The following MTARC1 variants were observed in gnomAD, a reference collection of about 807,000 sequenced individuals.
MTARC1 encodes mitochondrial amidoxime reducing component 1.
MTARC1 carries 24 observed loss-of-function variants against 33.6 expected under a neutral mutation model. The observed-to-expected ratio is 0.72, with a 90% CI of 0.52 to 1.01. MTARC1 has a LOEUF of 1.01. Among genes scored for constraint, MTARC1 ranks in the 50% least tolerant of loss-of-function variants. The pLI is 0.00. For missense variants in MTARC1, 417 were observed against 445.7 expected (o/e 0.94, Z 0.58); for synonymous variants, 187 against 189.5 (o/e 0.99, Z 0.11).
chr1:220,799,135 G>A lies in MTARC1; in HGVS notation c.753+1121G>A, dbSNP rs1016440528. The A allele has an allele frequency of 7.1e-6, 7 of 985,258 alleles. No homozygotes were observed. The Admixed American group carries it at 1.8e-4, about 26-fold the overall frequency. 61.0% of individuals were successfully genotyped at this position (985,258 alleles called of 1,614,324 possible). On this transcript the variant is annotated intron_variant, in intron 4 of 6. Coordinates refer to ENST00000366910, the MANE Select transcript of MTARC1 (RefSeq NM_022746.4). ...TCAGTTTGGATAATGTAATTTATGA[G>A]ATGTATAAAAGCAATATCAATCGAT...
chr1:220,796,765 G>T lies in MTARC1; in HGVS notation c.572G>T (p.Arg191Leu), dbSNP rs148529789. The change falls in exon 3 of 7, where the codon CGT becomes CTT. Residue 191 changes from arginine (R) to leucine (L), a missense_variant. By Grantham distance (102) the Arg-to-Leu change is moderately radical (BLOSUM62 -2). Coordinates refer to ENST00000366910, the MANE Select transcript of MTARC1 (RefSeq NM_022746.4). ...TTCGAGCCTCACATGCGACCGAGAC[G>T]TCCTCATCAAATAGCAGACTTGTTC... is the stretch of plus-strand genomic sequence containing the variant. ...VHFEPHMRPR[R>L]PHQIADLFRP... 7.8e-5 allele frequency: 125 copies of T among 1,612,350 alleles called. No homozygotes were observed. Among genetic ancestry groups the T allele is most frequent in the Admixed American group, 2.3e-4 (14 of 59,734 alleles).
intron 4 of MTARC1, 198 bp downstream of exon 4, chr1:220,798,212 A>T (rs1363553414): frequency 1.3e-6 from 2 of 1,507,788 alleles, no homozygotes; most frequent in Admixed American, 2.0e-5. Context: ...TTGATGGGTC[A>T]GAGACTGTCA....
intron 2 of MTARC1, among the ~76,000 whole-genome samples, chr1:220,792,888 A>T (rs939034451): frequency 3.3e-5 from 5 of 152,160 alleles, no homozygotes; most frequent in African/African-American, 1.2e-4. Context: ...GTGTCCTCTA[A>T]TGCATTTTAA....
At position 220,814,780 on chromosome 1, in the gene MTARC1, T is replaced by C. The variant is rs144512388; in HGVS notation, c.*1362T>C. 2.9e-3 allele frequency: 438 copies of C among 151,924 alleles called. 4 individuals carry two copies. In the South Asian group the frequency reaches 0.043, roughly 15 times the overall value. The allele number at this position is 151,924 out of a possible 1,614,324, so 9.4% of individuals were successfully genotyped here. The stretch of plus-strand genomic sequence containing the variant: ...GAAAAAAAAAGAAAGCTGACTGAGG[T>C]GAATGGGCAAAGCCAGTAATTCTGA... On this transcript the variant is annotated 3_prime_UTR_variant, in exon 7 of 7. Transcript: ENST00000366910.
chr1:220,807,107 T>C (rs1672993776), intron 6 of MTARC1, among the ~76,000 whole-genome samples: 1 of 152,114 alleles, frequency 6.6e-6, no homozygotes. Flanking sequence ...GCATTTAAGA[T>C]TGGTATATTT....
chr1:220,804,345 GC>G (rs1210063291), intron 4 of MTARC1, among the ~76,000 whole-genome samples: 1 of 152,140 alleles, frequency 6.6e-6, no homozygotes, highest in Non-Finnish European at 1.5e-5. Flanking sequence ...GCCTTGGAGT[GC>G]TTTTTGTGAA....
chr1:220,796,029 C>A (rs1672605351), intron 2 of MTARC1, among the ~76,000 whole-genome samples: 1 of 152,118 alleles, frequency 6.6e-6, no homozygotes, highest in African/African-American at 2.4e-5. Context: ...AACAGCCCTG[C>A]ACAGGACTAT....
intron 2 of MTARC1, among the ~76,000 whole-genome samples, chr1:220,792,691 T>C (rs1672465989): frequency 6.6e-6 from 1 of 151,476 alleles, no homozygotes; most frequent in Non-Finnish European, 1.5e-5. Context: ...CTGTGATAAC[T>C]AATTAATATT....
In MTARC1 at chr1:220,805,039, C is replaced by A. The variant is rs1672929524; in HGVS notation, c.754-13C>A. On this transcript the variant is annotated splice_polypyrimidine_tract_variant and intron_variant, in intron 4 of 6. Transcript: ENST00000366910. ...CCAGAGATGCTCATGGGAATTTGTG[C>A]TTTGTCCCCTAGGATTCTTGGGATG... The A allele has an allele frequency of 5.6e-6, 9 of 1,613,954 alleles. No individual in the cohort carries two copies. In the South Asian group the frequency reaches 8.8e-5, roughly 16 times the overall value.
intron 6 of MTARC1, among the ~76,000 whole-genome samples, chr1:220,810,908 C>T (rs1673112601): frequency 6.6e-6 from 1 of 152,122 alleles, no homozygotes; most frequent in Non-Finnish European, 1.5e-5. Flanking sequence ...GTCTGTTACT[C>T]CCCCTGAGAC....
At chr1:220,799,249 TAA>T in intron 4 of MTARC1, 1 of 907,938 alleles carries the variant, frequency 1.1e-6, no homozygotes, top group Non-Finnish European at 1.3e-6. Flanking sequence ...GCGTTTCTTC[TAA>T]AGATGGTGGA....
In MTARC1 at chr1:220,816,760, C is replaced by T. The variant is rs1021826531; in HGVS notation, c.*3342C>T. The T allele has an allele frequency of 1.0e-4, 16 of 152,406 alleles. No homozygotes were observed. The highest frequency in any genetic ancestry group is 3.6e-4 in the African/African-American group (15 of 41,568). The allele number at this position is 152,406 out of a possible 1,614,324, so 9.4% of individuals were successfully genotyped here. A position where few individuals can be genotyped will look rare whatever the true frequency, so the allele number is the denominator to read the frequency against. On this transcript the variant is annotated 3_prime_UTR_variant, in exon 7 of 7. Transcript: ENST00000366910. ...AGGAGACCTATCTTGGGACACTTCC[C>T]CTTGTCCTCTCCCTTGCCCCTCTTG...
At position 220,813,493 on chromosome 1, in the gene MTARC1, G is replaced by C. The variant is rs150509697; in HGVS notation, c.*75G>C. The C allele has an allele frequency of 6.4e-7, 1 of 1,571,348 alleles. No individual in the cohort carries two copies. Among genetic ancestry groups the C allele is most frequent in the East Asian group, 2.3e-5 (1 of 44,358 alleles). On this transcript the variant is annotated 3_prime_UTR_variant, in exon 7 of 7. Transcript: ENST00000366910. ...AAAATGACAACACTTGAAGCATGGT[G>C]TTTCAGAACTGAGACCTCTACATTT... is the stretch of plus-strand genomic sequence containing the variant.
intron 6 of MTARC1, among the ~76,000 whole-genome samples, chr1:220,807,392 G>A (rs888478647): frequency 1.3e-5 from 2 of 152,160 alleles, no homozygotes; most frequent in African/African-American, 4.8e-5. Context: ...AGACCAGCCT[G>A]GCCAACATAG....
In MTARC1 at chr1:220,813,502, C is replaced by A. The variant is rs1673204749; in HGVS notation, c.*84C>A. 2.0e-6 allele frequency: 3 copies of A among 1,531,570 alleles called. No individual in the cohort carries two copies. The highest frequency in any genetic ancestry group is 2.4e-5 in the South Asian group (2 of 85,020). The allele number at this position is 1,531,570 out of a possible 1,614,324, so 94.9% of individuals were successfully genotyped here. On this transcript the variant is annotated 3_prime_UTR_variant, in exon 7 of 7. Coordinates refer to ENST00000366910, the MANE Select transcript of MTARC1 (RefSeq NM_022746.4). ...ACACTTGAAGCATGGTGTTTCAGAA[C>A]TGAGACCTCTACATTTTCTTTAAAT... is the stretch of plus-strand genomic sequence containing the variant.
intron 6 of MTARC1, among the ~76,000 whole-genome samples, chr1:220,806,834 T>C (rs1342503040): frequency 6.6e-6 from 1 of 152,204 alleles, no homozygotes; most frequent in African/African-American, 2.4e-5. Context: ...CTAGGCCACC[T>C]GGCAGAGAGA....
chr1:220,798,626 T>G, intron 4 of MTARC1: 1 of 959,130 alleles, frequency 1.0e-6, no homozygotes, highest in Non-Finnish European at 1.2e-6. Context: ...CTATTTAACT[T>G]GATTCTCTCC....
chr1:220,819,257 G>A lies in MTARC1; in HGVS notation c.*5839G>A, dbSNP rs751129164. The A allele has an allele frequency of 5.9e-5, 9 of 152,142 alleles. No individual in the cohort carries two copies. Among genetic ancestry groups the A allele is most frequent in the African/African-American group, 1.7e-4 (7 of 41,420 alleles). 9.4% of individuals were successfully genotyped at this position (152,142 alleles called of 1,614,324 possible). A position where few individuals can be genotyped will look rare whatever the true frequency, so the allele number is the denominator to read the frequency against. Reference sequence around the variant, plus strand: ...TAAAATGTATTAATGACAGAAGAGTGTTTTCATGTCCCAAGGACAAATTTT... The same window carrying A: ...TAAAATGTATTAATGACAGAAGAGTATTTTCATGTCCCAAGGACAAATTTT... On this transcript the variant is annotated 3_prime_UTR_variant, in exon 7 of 7. Coordinates refer to ENST00000366910, the MANE Select transcript of MTARC1 (RefSeq NM_022746.4).
At chr1:220,799,744 A>G (rs1390879207) in intron 4 of MTARC1, among the ~76,000 whole-genome samples, 1 of 152,176 alleles carries the variant, frequency 6.6e-6, no homozygotes, top group East Asian at 1.9e-4. Flanking sequence ...ATTCTAGGGC[A>G]TATGTATGGG....
Sources: gnomAD v4.1 joint callset for allele counts (sites outside exome capture counted in the v4.1 genomes callset) on GRCh38, gnomAD v4.1.1 for gene constraint, MANE v1.5 for transcripts, NCBI Gene and HGNC (gene_info 2026-07-23, HGNC 2026-07-21) for gene names.